Variants in ANK1 observed in about 807,000 individuals in gnomAD.
ANK1 encodes ankyrin 1, also known as ankyrin-1.
A neutral mutation model predicts 210.4 loss-of-function variants in ANK1; 51 were observed. The ratio of observed to expected loss-of-function variants is 0.24; its 90% CI spans 0.19 to 0.31. The LOEUF is 0.31. ANK1 is among the 10% of genes least tolerant of loss of function. ANK1 has a pLI of 1.00. For synonymous variants in ANK1, 967 were observed against 1,025.9 expected (o/e 0.94, Z 1.10); for missense variants, 2,051 against 2,504.4 (o/e 0.82, Z 3.86).
intron 1 of ANK1, among the ~76,000 whole-genome samples, chr8:41,822,857 C>T (rs7007852): frequency 0.021 from 3,192 of 152,286 alleles, 105 homozygotes; most frequent in African/African-American, 0.068. Flanking sequence ...AAGCACAGCA[C>T]GAGAGCGGGG....
At chr8:41,703,450 A>ATATATATATAT (rs59985416) in intron 20 of ANK1, among the ~76,000 whole-genome samples, 196 of 58,808 alleles carry the variant, frequency 3.3e-3, no homozygotes, top group East Asian at 7.6e-3. Flanking sequence ...ATATATATAT[A>ATATATATATAT]TTTTTTTTTT....
chr8:41,706,437 G>A (rs1251900931), intron 17 of ANK1, among the ~76,000 whole-genome samples, 196 bp from the exon 18 acceptor site: 1 of 152,198 alleles, frequency 6.6e-6, no homozygotes, highest in Non-Finnish European at 1.5e-5. Flanking sequence ...ACCAGGGGTT[G>A]GCAACTTTTG....
At chr8:41,806,730 G>A (rs1851020175) in intron 1 of ANK1, among the ~76,000 whole-genome samples, 2 of 152,152 alleles carry the variant, frequency 1.3e-5, no homozygotes, top group African/African-American at 4.8e-5. Context: ...TGGCAACAGA[G>A]CTAGACTCTG....
chr8:41,740,633 G>A (rs1834554687), intron 2 of ANK1, among the ~76,000 whole-genome samples: 1 of 152,072 alleles, frequency 6.6e-6, no homozygotes, highest in East Asian at 1.9e-4. Context: ...TAGGTCTACG[G>A]TCTAAGGATT....
chr8:41,830,488 C>T (rs896891703), intron 1 of ANK1, among the ~76,000 whole-genome samples: 1 of 151,986 alleles, frequency 6.6e-6, no homozygotes. Context: ...GAAAAAATGA[C>T]CTACATAACA....
At chr8:41,752,707 C>T (rs1437268841) in intron 2 of ANK1, among the ~76,000 whole-genome samples, 1 of 152,058 alleles carries the variant, frequency 6.6e-6, no homozygotes, top group African/African-American at 2.4e-5. Flanking sequence ...CAATCCATCA[C>T]CCAAGCCTGC....
At chr8:41,714,925 G>A (rs1289487085) in intron 15 of ANK1, 51 bp downstream of exon 15, 1 of 1,562,134 alleles carries the variant, frequency 6.4e-7, no homozygotes, top group South Asian at 1.1e-5. Context: ...TCCATCCTCT[G>A]TCCTTGCCTC....
chr8:41,892,163 C>G (rs1041712847), intron 1 of ANK1, among the ~76,000 whole-genome samples: 1 of 151,622 alleles, frequency 6.6e-6, no homozygotes, highest in Admixed American at 6.6e-5. Flanking sequence ...ATCCCACTTT[C>G]CCCCCTCCAT....
At chr8:41,684,016 C>T (rs1164584723) in intron 37 of ANK1, among the ~76,000 whole-genome samples, 10 of 152,242 alleles carry the variant, frequency 6.6e-5, no homozygotes, top group Non-Finnish European at 1.5e-4. Context: ...GAAGAGCAAA[C>T]TGCTCAGTCC....
Position 41,881,821 on chromosome 8 carries a change from C to T in ANK1, c.126+14534G>A, listed in dbSNP as rs142445217. Reference sequence around the variant, plus strand: ...CCTCACCTGTAAAACACCGTTCCCACGCACCTGCCTGGCTTGTGAGGGCCG... The same window carrying T: ...CCTCACCTGTAAAACACCGTTCCCATGCACCTGCCTGGCTTGTGAGGGCCG... On this transcript the variant is annotated intron_variant, in intron 1 of 42. Transcript: ENST00000265709. Among the ~76,000 whole-genome samples the T allele has an allele frequency of 5.9e-5, 9 of 152,300 alleles. No individual in the cohort carries two copies. In the East Asian group the frequency reaches 1.2e-3, roughly 20 times the overall value.
intron 1 of ANK1, among the ~76,000 whole-genome samples, chr8:41,860,647 G>T (rs1370184665): frequency 6.6e-6 from 1 of 152,226 alleles, no homozygotes; most frequent in Non-Finnish European, 1.5e-5. Flanking sequence ...ATGAATACAG[G>T]CAAGTGTGCA....
At chr8:41,660,235 G>A (rs971328391) in intron 42 of ANK1, among the ~76,000 whole-genome samples, 8 of 152,088 alleles carry the variant, frequency 5.3e-5, no homozygotes, top group Non-Finnish European at 1.0e-4. Context: ...TTTTGCCCAA[G>A]TGCTGAGATA....
At chr8:41,734,733 GA>G (rs796964750) in intron 2 of ANK1, among the ~76,000 whole-genome samples, 5 of 145,648 alleles carry the variant, frequency 3.4e-5, no homozygotes, top group East Asian at 2.0e-4. Context: ...CTCTACAAAA[GA>G]AAAAAAAAAG....
intron 7 of ANK1, 127 bp from the exon 8 acceptor site, chr8:41,723,760 G>T: frequency 1.6e-6 from 1 of 632,688 alleles, no homozygotes; most frequent in Non-Finnish European, 2.7e-6. Flanking sequence ...GGGCATTTCT[G>T]GCCTAAGATA....
intron 2 of ANK1, among the ~76,000 whole-genome samples, chr8:41,743,147 C>A (rs922632895): frequency 6.6e-6 from 1 of 152,014 alleles, no homozygotes; most frequent in African/African-American, 2.4e-5. Flanking sequence ...GGTCTGCAGC[C>A]CTGCAGCAGA....
At chr8:41,762,258 T>C (rs1444547773) in intron 1 of ANK1, among the ~76,000 whole-genome samples, 1 of 152,184 alleles carries the variant, frequency 6.6e-6, no homozygotes, top group Non-Finnish European at 1.5e-5. Flanking sequence ...CTACTTCCAA[T>C]CTTTCTTCCC....
In ANK1 at chr8:41,658,427, C is replaced by T. The variant is rs78169460; in HGVS notation, c.*37-2674G>A. On this transcript the variant is annotated intron_variant, in intron 42 of 42. Transcript: ENST00000289734. ...CCTTTTTCTTGAAGTGTAGCACATT[C>T]GAAAGGGACATTTTCATCCTCCCTT... is the stretch of plus-strand genomic sequence containing the variant. Among the ~76,000 whole-genome samples, 183 of 152,282 alleles carry T rather than the reference C, an allele frequency of 1.2e-3. 2 individuals carry two copies. The East Asian group carries it at 0.026, about 22-fold the overall frequency.
In ANK1 at chr8:41,896,253, C is replaced by T. The variant is rs1820511364; in HGVS notation, c.126+102G>A. 6 of 1,395,252 alleles carry T rather than the reference C, an allele frequency of 4.3e-6. 1 individual carries two copies. The Middle Eastern group carries it at 6.8e-4, about 158-fold the overall frequency. The allele number at this position is 1,395,252 out of a possible 1,614,324, so 86.4% of individuals were successfully genotyped here. ...TCGGGTGCCGCCAACTCCGCCGCAC[C>T]GGGCGCCGCGCCCCACCGCGTCCCG... On this transcript the variant is annotated intron_variant, in intron 1 of 42. Transcript: ENST00000265709.
chr8:41,741,252 T>C (rs1036666271), intron 2 of ANK1, among the ~76,000 whole-genome samples: 4 of 152,186 alleles, frequency 2.6e-5, no homozygotes, highest in African/African-American at 9.7e-5. Context: ...GGTGAAAGCT[T>C]TGTGTCCGTT....
Sources: allele counts gnomAD v4.1 joint callset (sites outside exome capture counted in the v4.1 genomes callset), GRCh38; gene constraint gnomAD v4.1.1; transcripts MANE v1.5; gene names NCBI Gene and HGNC (gene_info 2026-07-23, HGNC 2026-07-21).